The following LCE1D variants were observed in gnomAD, a reference collection of about 807,000 sequenced individuals.
LCE1D encodes the protein late cornified envelope 1D, also known as late cornified envelope protein 1D.
For missense variants in LCE1D, 86 were observed against 164.4 expected, an observed-to-expected ratio of 0.52 and a Z score of 2.61; for synonymous variants, 44 against 65.0, an observed-to-expected ratio of 0.68 and a Z score of 1.55.
rs780003505 is a variant in LCE1D, at chr1:152,798,036, C to T, written c.242C>T (p.Ser81Phe). The T allele has an allele frequency of 2.8e-6, 4 of 1,439,022 alleles. No homozygotes were observed. The highest frequency in any genetic ancestry group is 3.9e-6 in the Non-Finnish European group (4 of 1,033,936). 89.1% of individuals were successfully genotyped at this position (1,439,022 alleles called of 1,614,324 possible). A position where few individuals can be genotyped will look rare whatever the true frequency, so the allele number is the denominator to read the frequency against. The change falls in exon 2 of 2, where the codon TCC (serine) becomes TTC (phenylalanine). Residue 81 changes from serine (S) to phenylalanine (F), a missense_variant. Transcript: ENST00000326233. ...CTGAGCCACCACAGGCGCCACAGGT[C>T]CCACCGTCGCAGACCCCAGAGCTCT... ...CCLSHHRRHRSHRRRPQSSDC... is the reference protein window; with the variant it reads ...CCLSHHRRHRFHRRRPQSSDC...
rs764717452 is a variant in LCE1D at position 152,798,011 on chromosome 1, C to T, written c.217C>T (p.Leu73=). The change falls in exon 2 of 2, where the codon CTG becomes TTG. Residue 73 remains leucine, a synonymous_variant. Transcript: ENST00000326233. ...CAGCTCTGGGGGTGGTGGCTGCTGCCTGAGCCACCACAGGCGCCACAGGTC... is the reference window on the plus strand; with the variant it reads ...CAGCTCTGGGGGTGGTGGCTGCTGCTTGAGCCACCACAGGCGCCACAGGTC... ...CCSSGGGGCC[L]SHHRRHRSHR... is the part of the protein sequence containing the mutation. 1.5e-5 allele frequency: 21 copies of T among 1,439,764 alleles called. No homozygotes were observed. The East Asian group carries it at 4.5e-4, about 31-fold the overall frequency. The allele number at this position is 1,439,764 out of a possible 1,614,324, so 89.2% of individuals were successfully genotyped here.
rs779324567 is a variant in LCE1D, at chr1:152,797,947, C to G, written c.153C>G (p.Ser51Arg). The G allele has an allele frequency of 4.7e-6, 7 of 1,489,816 alleles. 1 individual carries two copies. In the Admixed American group the frequency reaches 1.2e-4, roughly 26 times the overall value. The allele number at this position is 1,489,816 out of a possible 1,614,324, so 92.3% of individuals were successfully genotyped here. A position where few individuals can be genotyped will look rare whatever the true frequency, so the allele number is the denominator to read the frequency against. The change falls in exon 2 of 2, where the codon AGC (serine) becomes AGG (arginine). Residue 51 changes from serine to arginine, a missense_variant. Transcript: ENST00000326233. ...SVSSGGCCGSSSGGGCGSNSG... is the reference protein window; with the variant it reads ...SVSSGGCCGSRSGGGCGSNSG... ...GCTCCGGAGGCTGCTGTGGCTCCAG[C>G]TCTGGGGGCGGCTGTGGCTCCAACT...
chr1:152,797,719 AG>A, intron 1 of LCE1D, 53 bp from the exon 2 acceptor site: 1 of 1,153,650 alleles, frequency 8.7e-7, no homozygotes, highest in Non-Finnish European at 1.3e-6. Flanking sequence ...AGAGTGTCAC[AG>A]GGGCAGAGGT....
chr1:152,797,997 G>A lies in LCE1D; in HGVS notation c.203G>A (p.Gly68Asp), dbSNP rs1405500183. Residue 68 changes from glycine to aspartate, a missense_variant, in exon 2 of 2, where the codon GGT becomes GAT. Transcript: ENST00000326233. ...TCTGGGGGCTGCTGCAGCTCTGGGG[G>A]TGGTGGCTGCTGCCTGAGCCACCAC... ...SNSGGCCSSG[G>D]GGCCLSHHRR... is the part of the protein sequence containing the mutation. 4 of 1,440,226 alleles carry A rather than the reference G, an allele frequency of 2.8e-6. 1 individual carries two copies. Among genetic ancestry groups the A allele is most frequent in the African/African-American group, 2.9e-5 (2 of 69,668 alleles). 89.2% of individuals were successfully genotyped at this position (1,440,226 alleles called of 1,614,324 possible).
In LCE1D at chr1:152,798,017, C is replaced by A. The variant is rs1311112139; in HGVS notation, c.223C>A (p.His75Asn). 1 of 1,439,650 alleles carries A rather than the reference C, an allele frequency of 6.9e-7. No homozygotes were observed. 89.2% of individuals were successfully genotyped at this position (1,439,650 alleles called of 1,614,324 possible). A position where few individuals can be genotyped will look rare whatever the true frequency, so the allele number is the denominator to read the frequency against. The change falls in exon 2 of 2, where the codon CAC becomes AAC. Residue 75 changes from histidine (H) to asparagine (N), a missense_variant. Coordinates refer to ENST00000326233, the MANE Select transcript of LCE1D (RefSeq NM_178352.3). Reference sequence around the variant, plus strand: ...TGGGGGTGGTGGCTGCTGCCTGAGCCACCACAGGCGCCACAGGTCCCACCG... The same window carrying A: ...TGGGGGTGGTGGCTGCTGCCTGAGCAACCACAGGCGCCACAGGTCCCACCG... ...SSGGGGCCLS[H>N]HRRHRSHRRR...
At chr1:152,797,392 G>A (rs117799455) in intron 1 of LCE1D, among the ~76,000 whole-genome samples, 1,634 of 135,524 alleles carry the variant, frequency 0.012, 276 homozygotes, top group East Asian at 0.072. Flanking sequence ...CCAAGATCCT[G>A]CACAATGCTG....
At position 152,797,045 on chromosome 1, in the gene LCE1D, C is replaced by T. The variant is rs1652085753; in HGVS notation, c.-23+274C>T. On this transcript the variant is annotated intron_variant, in intron 1 of 1. Coordinates refer to ENST00000326233, the MANE Select transcript of LCE1D (RefSeq NM_178352.3). The stretch of plus-strand genomic sequence containing the variant: ...CTTTGAAGCACAGAGACCTGCTCCA[C>T]TCTGGCAGCCCACAGGAGGGAAGCC... 1.1e-4 allele frequency among the ~76,000 whole-genome samples: 15 copies of T among 135,756 alleles called. 3 individuals carry two copies. Among genetic ancestry groups the T allele is most frequent in the Admixed American group, 1.1e-3 (15 of 13,782 alleles). 89.1% of individuals were successfully genotyped at this position (135,756 alleles called of 152,430 possible). A position where few individuals can be genotyped will look rare whatever the true frequency, so the allele number is the denominator to read the frequency against.
At chr1:152,797,460 T>G (rs1214296619) in intron 1 of LCE1D, among the ~76,000 whole-genome samples, 1 of 135,922 alleles carries the variant, frequency 7.4e-6, no homozygotes, top group East Asian at 1.9e-4. Flanking sequence ...CTGCTTCTTC[T>G]CCTTTAAAAA....
chr1:152,797,730 T>C lies in LCE1D; in HGVS notation c.-22-43T>C. 1.6e-6 allele frequency: 2 copies of C among 1,237,172 alleles called. 1 individual carries two copies. Among genetic ancestry groups the C allele is most frequent in the Non-Finnish European group, 2.3e-6 (2 of 856,790 alleles). The allele number at this position is 1,237,172 out of a possible 1,614,324, so 76.6% of individuals were successfully genotyped here. A position where few individuals can be genotyped will look rare whatever the true frequency, so the allele number is the denominator to read the frequency against. ...GCTAAGAGTGTCACAGGGGCAGAGG[T>C]GGCCTCTGCCTGGGTCTGACTTGTT... is the stretch of plus-strand genomic sequence containing the variant. On this transcript the variant is annotated intron_variant, in intron 1 of 1. Coordinates refer to ENST00000326233, the MANE Select transcript of LCE1D (RefSeq NM_178352.3).
At position 152,797,740 on chromosome 1, in the gene LCE1D, C is replaced by G; in HGVS notation, c.-22-33C>G. On this transcript the variant is annotated intron_variant, in intron 1 of 1. Transcript: ENST00000326233. ...TCACAGGGGCAGAGGTGGCCTCTGC[C>G]TGGGTCTGACTTGTTATTTGACTCT... The G allele has an allele frequency of 6.6e-6, 9 of 1,370,340 alleles. 1 individual carries two copies. The highest frequency in any genetic ancestry group is 8.2e-6 in the Non-Finnish European group (8 of 975,704). 84.9% of individuals were successfully genotyped at this position (1,370,340 alleles called of 1,614,324 possible). A position where few individuals can be genotyped will look rare whatever the true frequency, so the allele number is the denominator to read the frequency against.
chr1:152,797,841 G>A lies in LCE1D; in HGVS notation c.47G>A (p.Cys16Tyr), dbSNP rs1652099459. 1 of 1,432,512 alleles carries A rather than the reference G, an allele frequency of 7.0e-7. No homozygotes were observed. Among genetic ancestry groups the A allele is most frequent in the Non-Finnish European group, 9.7e-7 (1 of 1,030,950 alleles). The allele number at this position is 1,432,512 out of a possible 1,614,324, so 88.7% of individuals were successfully genotyped here. Residue 16 changes from cysteine to tyrosine, a missense_variant, in exon 2 of 2, where the codon TGC (cysteine) becomes TAC (tyrosine). By Grantham distance (194) the Cys-to-Tyr change is radical. Transcript: ENST00000326233. ...CAGCAGTGCCAGCCCCCTCCCAAGT[G>A]CACTCCCAAGTGCACTCCCAAGTGC... ...SQQQCQPPPK[C>Y]TPKCTPKCPA... is the part of the protein sequence containing the mutation.
In LCE1D at chr1:152,797,836, C is replaced by A; in HGVS notation, c.42C>A (p.Pro14=). ...QQSQQQCQPP[P]KCTPKCTPKC... is the part of the protein sequence containing the mutation. ...GCCAGCAGCAGTGCCAGCCCCCTCCCAAGTGCACTCCCAAGTGCACTCCCA... is the reference window on the plus strand; with the variant it reads ...GCCAGCAGCAGTGCCAGCCCCCTCCAAAGTGCACTCCCAAGTGCACTCCCA... Residue 14 remains proline (P), a synonymous_variant, in exon 2 of 2, where the codon CCC becomes CCA. Transcript: ENST00000326233. 1 of 1,434,736 alleles carries A rather than the reference C, an allele frequency of 7.0e-7. No individual in the cohort carries two copies. Among genetic ancestry groups the A allele is most frequent in the Non-Finnish European group, 9.7e-7 (1 of 1,031,742 alleles). 88.9% of individuals were successfully genotyped at this position (1,434,736 alleles called of 1,614,324 possible). A position where few individuals can be genotyped will look rare whatever the true frequency, so the allele number is the denominator to read the frequency against.
At chr1:152,797,228 G>A (rs1201411324) in intron 1 of LCE1D, among the ~76,000 whole-genome samples, 1 of 135,438 alleles carries the variant, frequency 7.4e-6, no homozygotes, top group Non-Finnish European at 1.7e-5. Flanking sequence ...CCAAGCCTGA[G>A]ACCCACCGTG....
In LCE1D at chr1:152,797,818, G is replaced by A. The variant is rs763061792; in HGVS notation, c.24G>A (p.Gln8=). The change falls in exon 2 of 2, where the codon CAG becomes CAA. Residue 8 remains glutamine (Q), a synonymous_variant. Coordinates refer to ENST00000326233, the MANE Select transcript of LCE1D (RefSeq NM_178352.3). MSCQQSQ[Q]QCQPPPKCTP... is the part of the protein sequence containing the mutation. ...AGATGTCCTGCCAGCAGAGCCAGCAGCAGTGCCAGCCCCCTCCCAAGTGCA... is the reference window on the plus strand; with the variant it reads ...AGATGTCCTGCCAGCAGAGCCAGCAACAGTGCCAGCCCCCTCCCAAGTGCA... The A allele has an allele frequency of 7.0e-7, 1 of 1,437,330 alleles. No individual in the cohort carries two copies. Among genetic ancestry groups the A allele is most frequent in the African/African-American group, 1.5e-5 (1 of 68,550 alleles). 89.0% of individuals were successfully genotyped at this position (1,437,330 alleles called of 1,614,324 possible).
rs772879361 is a variant in LCE1D at position 152,797,986 on chromosome 1, C to T, written c.192C>T (p.Cys64=). 2.1e-6 allele frequency: 3 copies of T among 1,440,650 alleles called. No individual in the cohort carries two copies. The highest frequency in any genetic ancestry group is 2.3e-5 in the South Asian group (2 of 87,392). The allele number at this position is 1,440,650 out of a possible 1,614,324, so 89.2% of individuals were successfully genotyped here. Residue 64 remains cysteine (C), a synonymous_variant, in exon 2 of 2, where the codon TGC becomes TGT. Transcript: ENST00000326233. ...GGCGSNSGGC[C]SSGGGGCCLS... ...GTGGCTCCAACTCTGGGGGCTGCTG[C>T]AGCTCTGGGGGTGGTGGCTGCTGCC...
In LCE1D at chr1:152,797,423, CT is replaced by C. The variant is rs1652091396; in HGVS notation, c.-22-348del. Among the ~76,000 whole-genome samples, 2 of 135,782 alleles carry C rather than the reference CT, an allele frequency of 1.5e-5. 1 individual carries two copies. Among genetic ancestry groups the C allele is most frequent in the Non-Finnish European group, 3.4e-5 (2 of 59,012 alleles). The allele number at this position is 135,782 out of a possible 152,430, so 89.1% of individuals were successfully genotyped here. A position where few individuals can be genotyped will look rare whatever the true frequency, so the allele number is the denominator to read the frequency against. ...TGCTGACCTTCCAAAGTAAAATCGT[CT>C]TGCAAATTATGACCAGAGAGAATGA... On this transcript the variant is annotated intron_variant, in intron 1 of 1. Transcript: ENST00000326233.
intron 1 of LCE1D, 88 bp from the exon 2 acceptor site, chr1:152,797,685 T>A: frequency 1.2e-6 from 1 of 850,946 alleles, no homozygotes; most frequent in Non-Finnish European, 1.9e-6. Flanking sequence ...CTGAAGATGA[T>A]GCTTTTAAAC....
intron 1 of LCE1D, among the ~76,000 whole-genome samples, chr1:152,797,453 C>T (rs573803615): frequency 7.4e-6 from 1 of 135,912 alleles, no homozygotes; most frequent in African/African-American, 2.6e-5. Context: ...AGAATGACTG[C>T]TTCTTCTCCT....
rs1162779403 is a variant in LCE1D, at chr1:152,797,887, T to G, written c.93T>G (p.Pro31=). The change falls in exon 2 of 2, where the codon CCT becomes CCG. Residue 31 remains proline, a synonymous_variant. Transcript: ENST00000326233. ...AGTGCCCCGCCCCTAAATGTCCCCC[T>G]AAGTGCCCTCCAGTCTCTTCCTGCT... ...TPKCPAPKCP[P]KCPPVSSCCS... 8.3e-6 allele frequency: 12 copies of G among 1,440,256 alleles called. 2 individuals are homozygous for G. Among genetic ancestry groups the G allele is most frequent in the South Asian group, 2.3e-5 (2 of 87,344 alleles). 89.2% of individuals were successfully genotyped at this position (1,440,256 alleles called of 1,614,324 possible).
Sources: gnomAD v4.1 joint callset for allele counts (sites outside exome capture counted in the v4.1 genomes callset) on GRCh38, gnomAD v4.1.1 for gene constraint, MANE v1.5 for transcripts, NCBI Gene and HGNC (gene_info 2026-07-23, HGNC 2026-07-21) for gene names.